Variants in KIAA0319L observed in about 807,000 individuals in gnomAD.
KIAA0319L encodes the protein KIAA0319 like, also known as dyslexia-associated protein KIAA0319-like protein.
KIAA0319L carries 55 observed loss-of-function variants against 120.1 expected under a neutral mutation model. The ratio of observed to expected loss-of-function variants is 0.46; its 90% CI spans 0.37 to 0.57. The LOEUF is 0.57. Ranked by LOEUF, KIAA0319L falls within the 20% of genes least tolerant of loss-of-function variation. The pLI is 0.00. For synonymous variants in KIAA0319L, 398 were observed against 471.9 expected (o/e 0.84, Z 2.03); for missense variants, 1,049 against 1,255.3 (o/e 0.84, Z 2.48).
intron 6 of KIAA0319L, 53 bp from the exon 7 acceptor site, chr1:35,466,748 T>C: frequency 1.6e-6 from 2 of 1,232,260 alleles, no homozygotes; most frequent in Non-Finnish European, 1.2e-6. Flanking sequence ...AGGAATTACA[T>C]TTAAAATAAG....
intron 4 of KIAA0319L, 140 bp from the exon 5 acceptor site, chr1:35,475,046 T>C: frequency 1.8e-6 from 1 of 566,608 alleles, no homozygotes; most frequent in Non-Finnish European, 3.1e-6. Context: ...ACTCTCTAAT[T>C]GCTTGAAATT....
Position 35,448,312 on chromosome 1 carries a change from C to T in KIAA0319L, c.2374G>A (p.Val792Met). 1 of 1,614,022 alleles carries T rather than the reference C, an allele frequency of 6.2e-7. No individual in the cohort carries two copies. The highest frequency in any genetic ancestry group is 1.1e-5 in the South Asian group (1 of 91,054). The change falls in exon 16 of 21, where the codon GTG becomes ATG. Residue 792 changes from valine (V) to methionine (M), a missense_variant. By Grantham distance (21) the Val-to-Met change is conservative (BLOSUM62 1). Transcript: ENST00000325722. The stretch of plus-strand genomic sequence containing the variant: ...ACGTTGATATCCAAGATGATCTCCA[C>T]CAGGTTGTTTTTCCTGGGATCTGGA... Reference protein sequence around the residue: ...VKPDPRKNNLVEIILDINVSQ... With the variant: ...VKPDPRKNNLMEIILDINVSQ...
rs1253815580 is a variant in KIAA0319L at position 35,466,707 on chromosome 1, A to G, written c.1114-12T>C. On this transcript the variant is annotated splice_polypyrimidine_tract_variant and intron_variant, in intron 6 of 20. Coordinates refer to ENST00000325722, the MANE Select transcript of KIAA0319L (RefSeq NM_024874.5). ...AGGCCTGGAGTGAGCTGCAGAAGTG[A>G]GAGAAGATCTCTTAGACAATCACAA... 1.3e-6 allele frequency: 2 copies of G among 1,564,322 alleles called. No homozygotes were observed. Among genetic ancestry groups the G allele is most frequent in the Admixed American group, 3.3e-5 (2 of 59,900 alleles).
intron 20 of KIAA0319L, chr1:35,439,524 G>T (rs367908140): frequency 6.6e-6 from 1 of 152,282 alleles, no homozygotes; most frequent in Non-Finnish European, 1.5e-5. Flanking sequence ...TTTCACTGAT[G>T]GGTGGGGAGA....
At chr1:35,556,108 C>T (rs1367918872) in intron 1 of KIAA0319L, among the ~76,000 whole-genome samples, 1 of 152,174 alleles carries the variant, frequency 6.6e-6, no homozygotes, top group African/African-American at 2.4e-5. Flanking sequence ...GGTAACAACC[C>T]AGGGAGAGAA....
In KIAA0319L at chr1:35,454,435, G is replaced by C. The variant is rs1642291273; in HGVS notation, c.1707C>G (p.Tyr569Ter). The change falls in exon 11 of 21, where the codon TAC (tyrosine) becomes TAG (stop). Residue 569 changes from tyrosine (Y) to a stop codon, truncating the protein, a stop_gained. Coordinates refer to ENST00000325722, the MANE Select transcript of KIAA0319L (RefSeq NM_024874.5). LOFTEE classifies it high-confidence loss of function. ...LQLSAMQEGDYTYQLTVTDTI... is the reference protein window; with the variant it reads ...LQLSAMQEGD Reference sequence around the variant, plus strand: ...TGTCAGTCACTGTGAGCTGGTAAGTGTAGTCTCCTTCTTGCATCGCAGAGA... The same window carrying C: ...TGTCAGTCACTGTGAGCTGGTAAGTCTAGTCTCCTTCTTGCATCGCAGAGA... The C allele has an allele frequency of 6.2e-7, 1 of 1,614,016 alleles. No individual in the cohort carries two copies. Among genetic ancestry groups the C allele is most frequent in the Non-Finnish European group, 8.5e-7 (1 of 1,179,968 alleles).
Position 35,554,346 on chromosome 1 carries a change from G to A in KIAA0319L, c.142+4C>T. ...AAATCTTAAATCTATAAAGAAAATA[G>A]TACCTGTTGACAACCACAGAACGCT... On this transcript the variant is annotated splice_donor_region_variant and intron_variant, in intron 2 of 20. Transcript: ENST00000325722. 6.4e-7 allele frequency: 1 copy of A among 1,558,504 alleles called. No homozygotes were observed. The highest frequency in any genetic ancestry group is 8.6e-7 in the Non-Finnish European group (1 of 1,160,024).
chr1:35,450,716 T>G (rs1641997762), intron 13 of KIAA0319L, among the ~76,000 whole-genome samples: 1 of 152,178 alleles, frequency 6.6e-6, no homozygotes, highest in South Asian at 2.1e-4. Context: ...AGAAATGTTC[T>G]CCTAACACTG....
Position 35,500,411 on chromosome 1 carries a change from AG to A in KIAA0319L, c.666+6200del, listed in dbSNP as rs1301099270. The stretch of plus-strand genomic sequence containing the variant: ...AAAGGGTGCAATACTTAAACTAAGC[AG>A]GACAGGCTTCACCCTCTTTAAGTTG... On this transcript the variant is annotated intron_variant, in intron 3 of 20. Transcript: ENST00000325722. Among the ~76,000 whole-genome samples the A allele has an allele frequency of 9.9e-5, 15 of 151,710 alleles. No homozygotes were observed. The East Asian group carries it at 2.5e-3, about 25-fold the overall frequency.
At chr1:35,530,858 G>A (rs758545351) in intron 2 of KIAA0319L, among the ~76,000 whole-genome samples, 22 of 152,112 alleles carry the variant, frequency 1.4e-4, no homozygotes, top group East Asian at 1.9e-4. Flanking sequence ...ATCCAGCAAC[G>A]AACACCATCA....
rs538398093 is a variant in KIAA0319L, at chr1:35,508,384, G to A, written c.143-1249C>T. On this transcript the variant is annotated intron_variant, in intron 2 of 20. Transcript: ENST00000325722. ...ACACACAACTGAAAAGACCTCTAAC[G>A]AAAGCAACTGACAATCAGCCAAAGC... Among the ~76,000 whole-genome samples, 11 of 152,250 alleles carry A rather than the reference G, an allele frequency of 7.2e-5. No individual in the cohort carries two copies. The South Asian group carries it at 1.4e-3, about 20-fold the overall frequency.
chr1:35,449,093 CA>C (rs1364302733), intron 15 of KIAA0319L, among the ~76,000 whole-genome samples: 1 of 152,112 alleles, frequency 6.6e-6, no homozygotes, highest in Non-Finnish European at 1.5e-5. Context: ...CTTTAAACAC[CA>C]AAGAGATTTT....
intron 3 of KIAA0319L, among the ~76,000 whole-genome samples, chr1:35,505,304 G>A (rs1025836033): frequency 3.3e-5 from 5 of 152,044 alleles, no homozygotes; most frequent in South Asian, 2.1e-4. Context: ...GACTATGACC[G>A]AGCCTTTACA....
chr1:35,477,431 G>T (rs941898771), intron 4 of KIAA0319L, among the ~76,000 whole-genome samples: 1 of 152,170 alleles, frequency 6.6e-6, no homozygotes, highest in Admixed American at 6.5e-5. Flanking sequence ...ACTTTGGGAG[G>T]CCAAGGCGGA....
Position 35,453,783 on chromosome 1 carries a change from T to C in KIAA0319L, c.1781-94A>G, listed in dbSNP as rs1217785045. 1 of 1,284,026 alleles carries C rather than the reference T, an allele frequency of 7.8e-7. No individual in the cohort carries two copies. The highest frequency in any genetic ancestry group is 1.5e-5 in the African/African-American group (1 of 66,538). The allele number at this position is 1,284,026 out of a possible 1,614,324, so 79.5% of individuals were successfully genotyped here. A position where few individuals can be genotyped will look rare whatever the true frequency, so the allele number is the denominator to read the frequency against. On this transcript the variant is annotated intron_variant, in intron 11 of 20. Transcript: ENST00000325722. This position sits in a 1 kb window ranked among gnomAD's most constrained non-coding sequence, Gnocchi z 4.1. Reference sequence around the variant, plus strand: ...CACATGTTCTGGAAGCCATGGACTCTGCCTCTCAGGCCACAGAACTGTCAG... The same window carrying C: ...CACATGTTCTGGAAGCCATGGACTCCGCCTCTCAGGCCACAGAACTGTCAG...
intron 2 of KIAA0319L, among the ~76,000 whole-genome samples, chr1:35,546,386 G>A (rs551023462): frequency 6.6e-6 from 1 of 152,194 alleles, no homozygotes; most frequent in Non-Finnish European, 1.5e-5. Flanking sequence ...AAGAAATAAA[G>A]GCGTCCAACT....
chr1:35,441,945 C>T (rs532776903), intron 19 of KIAA0319L, among the ~76,000 whole-genome samples: 24 of 152,246 alleles, frequency 1.6e-4, no homozygotes, highest in African/African-American at 4.8e-4. Context: ...CAGATGTGAT[C>T]CGGGTCTGTA....
At chr1:35,468,111 C>T (rs900154621) in intron 6 of KIAA0319L, among the ~76,000 whole-genome samples, 1 of 152,004 alleles carries the variant, frequency 6.6e-6, no homozygotes, top group Non-Finnish European at 1.5e-5. Flanking sequence ...ACTATTATGA[C>T]TAATGCTGTA....
chr1:35,455,922 G>A, intron 10 of KIAA0319L, 91 bp downstream of exon 10: 1 of 996,010 alleles, frequency 1.0e-6, no homozygotes, highest in Non-Finnish European at 1.5e-6. Context: ...GGCCCCTAAA[G>A]CTTTCTCAGT....
Sources: gnomAD v4.1 joint callset for allele counts (sites outside exome capture counted in the v4.1 genomes callset) on GRCh38, gnomAD v4.1.1 for gene constraint, Gnocchi (gnomAD v3.1) non-coding constraint, MANE v1.5 for transcripts, NCBI Gene and HGNC (gene_info 2026-07-23, HGNC 2026-07-21) for gene names.